CPVL: variants seen among roughly 807,000 people sequenced by gnomAD.
CPVL encodes probable serine carboxypeptidase CPVL.
CPVL carries 51 observed loss-of-function variants against 63.7 expected under a neutral mutation model. The ratio of observed to expected loss-of-function variants is 0.80; its 90% CI spans 0.64 to 1.01. The LOEUF is 1.01. CPVL is among the 50% of genes least tolerant of loss of function. CPVL has a pLI of 0.00. For missense variants in CPVL, 530 were observed against 573.1 expected (o/e 0.92, Z 0.77); for synonymous variants, 195 against 206.0 (o/e 0.95, Z 0.46).
chr7:28,996,549 C>CAAAAAAAAAAAAACAAAAAAAA (rs1784081760), intron 12 of CPVL, among the ~76,000 whole-genome samples: 2 of 113,566 alleles, frequency 1.8e-5, no homozygotes, highest in Admixed American at 9.3e-5. Context: ...AACCAAAAAA[C>CAAAAAAAAAAAAACAAAAAAAA]AAAAAAAAAA....
intron 5 of CPVL, among the ~76,000 whole-genome samples, chr7:29,173,737 G>A (rs1796904318): frequency 6.6e-6 from 1 of 150,700 alleles, no homozygotes; most frequent in Non-Finnish European, 1.5e-5. Context: ...GAGGTCAGGT[G>A]CCCGGCCTGT....
intron 4 of CPVL, 33 bp downstream of exon 4, chr7:29,096,070 T>C (rs868336619): frequency 1.3e-6 from 2 of 1,533,514 alleles, no homozygotes; most frequent in Non-Finnish European, 9.0e-7. Flanking sequence ...AGATGAAAGA[T>C]TCTATAGGAA....
At chr7:29,189,557 G>A (rs927453409) in intron 1 of CPVL, among the ~76,000 whole-genome samples, 2 of 152,178 alleles carry the variant, frequency 1.3e-5, no homozygotes, top group Non-Finnish European at 2.9e-5. Flanking sequence ...AAAGATGTTT[G>A]TAACCTGAAG....
chr7:29,022,193 C>T (rs1039861833), intron 12 of CPVL, among the ~76,000 whole-genome samples: 1 of 152,106 alleles, frequency 6.6e-6, no homozygotes, highest in African/African-American at 2.4e-5. Context: ...AGGACAGGCC[C>T]ATCTAGCCTG....
chr7:29,027,502 C>T lies in CPVL; in HGVS notation c.1320+3075G>A, dbSNP rs917529322. ...AGAGCAACTGGGTAAGAAAAAGAAACAAAAGGCATTCATACTGAAAAAGAG... is the reference window on the plus strand; with the variant it reads ...AGAGCAACTGGGTAAGAAAAAGAAATAAAAGGCATTCATACTGAAAAAGAG... On this transcript the variant is annotated intron_variant, in intron 12 of 12. Transcript: ENST00000265394. 2.6e-5 allele frequency among the ~76,000 whole-genome samples: 4 copies of T among 152,148 alleles called. No homozygotes were observed. In the South Asian group the frequency reaches 8.3e-4, roughly 32 times the overall value.
chr7:29,038,538 G>A (rs563114827), intron 11 of CPVL, among the ~76,000 whole-genome samples: 18 of 152,196 alleles, frequency 1.2e-4, no homozygotes, highest in South Asian at 2.1e-4. Context: ...TTAAATATTC[G>A]GAGATCTGAC....
intron 11 of CPVL, among the ~76,000 whole-genome samples, chr7:29,052,566 G>A (rs1790293589): frequency 6.6e-6 from 1 of 151,806 alleles, no homozygotes. Context: ...ACAACCCAGA[G>A]AATAGGAAAA....
intron 5 of CPVL, among the ~76,000 whole-genome samples, chr7:29,172,877 C>T (rs560645466): frequency 2.6e-5 from 4 of 151,908 alleles, no homozygotes; most frequent in Admixed American, 2.0e-4. Context: ...TGTGGTAGCT[C>T]ACCAGCGTTT....
At chr7:29,074,411 C>T (rs1784036609) in intron 7 of CPVL, among the ~76,000 whole-genome samples, 1 of 152,116 alleles carries the variant, frequency 6.6e-6, no homozygotes, top group African/African-American at 2.4e-5. Context: ...GAACATTTAT[C>T]AAATACAATT....
intron 7 of CPVL, among the ~76,000 whole-genome samples, chr7:29,075,956 G>GTTGTTTTT: frequency 9.1e-6 from 1 of 110,306 alleles, no homozygotes; most frequent in East Asian, 2.5e-4. Flanking sequence ...TGTTGAGATA[G>GTTGTTTTT]TTTTTTTTTT....
At chr7:29,080,795 A>G (rs1191325506) in intron 7 of CPVL, among the ~76,000 whole-genome samples, 2 of 152,170 alleles carry the variant, frequency 1.3e-5, no homozygotes, top group African/African-American at 4.8e-5. Context: ...CAGGGACTTC[A>G]CCCATGCAGA....
At chr7:29,191,684 CTT>C (rs1782916227) in intron 1 of CPVL, 2 of 152,348 alleles carry the variant, frequency 1.3e-5, no homozygotes, top group Admixed American at 1.3e-4. Context: ...GCAGAAATGT[CTT>C]TTAAAATTCT....
chr7:29,192,714 T>C (rs1211340722), intron 1 of CPVL: 1 of 152,238 alleles, frequency 6.6e-6, no homozygotes, highest in Non-Finnish European at 1.5e-5. Context: ...TATCAGATTT[T>C]TGTGGCAGGT....
At chr7:29,002,706 C>G (rs1784759912) in intron 12 of CPVL, among the ~76,000 whole-genome samples, 1 of 151,736 alleles carries the variant, frequency 6.6e-6, no homozygotes, top group South Asian at 2.1e-4. Context: ...AATGGAAGTT[C>G]TTTAACTAAA....
At chr7:29,183,948 G>A (rs1307566991) in intron 4 of CPVL, among the ~76,000 whole-genome samples, 2 of 152,012 alleles carry the variant, frequency 1.3e-5, no homozygotes, top group East Asian at 3.8e-4. Flanking sequence ...GAGTTACATA[G>A]CATTTACATA....
chr7:29,137,903 C>A (rs919195075), intron 1 of CPVL, among the ~76,000 whole-genome samples: 6 of 152,114 alleles, frequency 3.9e-5, no homozygotes, highest in Non-Finnish European at 2.9e-5. Context: ...GAGAGCTGAT[C>A]AGGGAGAGTT....
intron 3 of CPVL, among the ~76,000 whole-genome samples, chr7:29,102,456 C>A (rs1033568522): frequency 1.3e-5 from 2 of 151,994 alleles, no homozygotes; most frequent in African/African-American, 4.8e-5. Context: ...GAGCTGAGAT[C>A]TAAAATATGA....
chr7:29,064,732 G>C (rs1185251767), intron 10 of CPVL, among the ~76,000 whole-genome samples: 2 of 152,004 alleles, frequency 1.3e-5, no homozygotes, highest in Admixed American at 6.6e-5. Flanking sequence ...CCATGTTGGT[G>C]TGCTGCACTT....
Position 29,072,367 on chromosome 7 carries a change from A to T in CPVL, c.666T>A (p.Pro222=). 1 of 1,613,934 alleles carries T rather than the reference A, an allele frequency of 6.2e-7. No individual in the cohort carries two copies. The highest frequency in any genetic ancestry group is 8.5e-7 in the Non-Finnish European group (1 of 1,179,804). ...AIAHLIHSLN[P]VREVKINLNG... ...TCAGGTTGATCTTCACCTCTCTCAC[A>T]GGGTTGAGGGAATGGATGAGGTGTG... The change falls in exon 8 of 13, where the codon CCT becomes CCA. Residue 222 remains proline (P), a synonymous_variant. Transcript: ENST00000265394.
Sources: gnomAD v4.1 joint callset for allele counts (sites outside exome capture counted in the v4.1 genomes callset) on GRCh38, gnomAD v4.1.1 for gene constraint, MANE v1.5 for transcripts, NCBI Gene and HGNC (gene_info 2026-07-23, HGNC 2026-07-21) for gene names.